Variants in LAMA2 observed in about 807,000 individuals in gnomAD.
LAMA2 encodes laminin subunit alpha 2.
In LAMA2, 269 loss-of-function variants were observed where a neutral mutation model predicts 364.8. The ratio of observed to expected loss-of-function variants is 0.74; its 90% CI spans 0.67 to 0.82. The LOEUF is 0.82. Among genes scored for constraint, LAMA2 ranks in the 40% least tolerant of loss-of-function variants. The pLI, the probability that LAMA2 is intolerant of heterozygous loss-of-function variation, is 0.00. For synonymous variants in LAMA2, 1,379 were observed against 1,370.6 expected (o/e 1.01, Z -0.14); for missense variants, 3,807 against 3,873.2 (o/e 0.98, Z 0.45).
chr6:129,454,803 A>G (rs909407920), intron 47 of LAMA2, among the ~76,000 whole-genome samples: 2 of 152,180 alleles, frequency 1.3e-5, no homozygotes, highest in African/African-American at 4.8e-5. Context: ...CTTTAATGCA[A>G]TTATCAACAT....
intron 3 of LAMA2, among the ~76,000 whole-genome samples, chr6:129,060,858 G>A (rs950795345): frequency 1.3e-5 from 2 of 152,286 alleles, no homozygotes; most frequent in South Asian, 2.1e-4. Flanking sequence ...ACAAGCTGGT[G>A]GATTGCACGG....
chr6:128,938,344 TA>T (rs1201536378), intron 1 of LAMA2, among the ~76,000 whole-genome samples: 6 of 152,196 alleles, frequency 3.9e-5, no homozygotes, highest in Non-Finnish European at 7.4e-5. Context: ...TTTTTATGAT[TA>T]ACTAATGTTT....
At chr6:129,177,201 C>T (rs1386511620) in intron 9 of LAMA2, among the ~76,000 whole-genome samples, 1 of 152,122 alleles carries the variant, frequency 6.6e-6, no homozygotes, top group African/African-American at 2.4e-5. Flanking sequence ...CAATGAACAC[C>T]TTTATTTTCT....
chr6:129,148,831 G>A (rs1357702243), intron 6 of LAMA2, 148 bp from the exon 7 acceptor site: 27 of 750,332 alleles, frequency 3.6e-5, no homozygotes, highest in Non-Finnish European at 4.9e-6. Context: ...TTCAAGCCTG[G>A]CACCACTTTC....
chr6:129,339,351 G>A (rs927973755), intron 29 of LAMA2, among the ~76,000 whole-genome samples: 7 of 152,280 alleles, frequency 4.6e-5, no homozygotes, highest in Middle Eastern at 3.4e-3. Context: ...CAGATGAAAC[G>A]AGAAATACAG....
chr6:129,398,472 C>CTTTTTTTTTTTTTTTT (rs71028159), intron 37 of LAMA2, among the ~76,000 whole-genome samples: 8 of 110,550 alleles, frequency 7.2e-5, no homozygotes, highest in African/African-American at 1.8e-4. Flanking sequence ...CTTTTCTTTT[C>CTTTTTTTTTTTTTTTT]TTTTTTTTTT....
At chr6:128,987,083 C>T (rs1047985014) in intron 1 of LAMA2, among the ~76,000 whole-genome samples, 1 of 149,736 alleles carries the variant, frequency 6.7e-6, no homozygotes, top group East Asian at 1.9e-4. Flanking sequence ...TTGTTTTGTG[C>T]ACGTGTCTTT....
intron 14 of LAMA2, among the ~76,000 whole-genome samples, chr6:129,253,850 A>G (rs1264651424): frequency 2.0e-5 from 3 of 152,214 alleles, no homozygotes; most frequent in Non-Finnish European, 4.4e-5. Flanking sequence ...GGAGGAATGC[A>G]TTCACAGCGC....
At chr6:129,261,219 CT>C (rs1347038846) in intron 15 of LAMA2, among the ~76,000 whole-genome samples, 1 of 151,812 alleles carries the variant, frequency 6.6e-6, no homozygotes, top group Middle Eastern at 3.2e-3. Context: ...CTGTATCACA[CT>C]TTTCCTCTAC....
At chr6:129,353,441 CG>C in intron 32 of LAMA2, 84 bp downstream of exon 32, 1 of 1,124,734 alleles carries the variant, frequency 8.9e-7, no homozygotes, top group Non-Finnish European at 1.3e-6. Flanking sequence ...TGACTCTCCC[CG>C]CCCGCCTTTT....
At chr6:129,455,261 A>T (rs1252314541) in intron 47 of LAMA2, among the ~76,000 whole-genome samples, 1 of 151,812 alleles carries the variant, frequency 6.6e-6, no homozygotes. Context: ...AAAAGTTATA[A>T]AAAAAAATGA....
At chr6:128,950,454 A>G (rs1454235528) in intron 1 of LAMA2, among the ~76,000 whole-genome samples, 1 of 152,158 alleles carries the variant, frequency 6.6e-6, no homozygotes, top group Non-Finnish European at 1.5e-5. Flanking sequence ...ACGTGGGTAG[A>G]ACTTGAGTAT....
At chr6:129,050,477 A>G (rs190790303) in intron 2 of LAMA2, among the ~76,000 whole-genome samples, 14 of 152,296 alleles carry the variant, frequency 9.2e-5, no homozygotes, top group Non-Finnish European at 1.5e-4. Context: ...CTACTGATAT[A>G]TAGTGTGGTA....
At chr6:129,115,870 C>A (rs1414609214) in intron 4 of LAMA2, among the ~76,000 whole-genome samples, 6 of 152,132 alleles carry the variant, frequency 3.9e-5, no homozygotes, top group African/African-American at 1.4e-4. Context: ...ACACATCCGA[C>A]TAAGGTGCAG....
At position 129,297,713 on chromosome 6, in the gene LAMA2, G is replaced by A. The variant is rs781473388; in HGVS notation, c.2885G>A (p.Arg962Lys). The change falls in exon 21 of 65, where the codon AGG becomes AAG. Residue 962 changes from arginine (R) to lysine (K), a missense_variant. Arg to Lys is a conservative substitution (Grantham distance 26). Transcript: ENST00000421865. ...KAGTFGLQSA[R>K]GCVPCNCNSF... Reference sequence around the variant, plus strand: ...GGGACCTTTGGCCTACAATCAGCAAGGGGCTGTGTTCCCTGCAACTGCAAT... The same window carrying A: ...GGGACCTTTGGCCTACAATCAGCAAAGGGCTGTGTTCCCTGCAACTGCAAT... The A allele has an allele frequency of 1.2e-6, 2 of 1,614,028 alleles. No individual in the cohort carries two copies. The highest frequency in any genetic ancestry group is 3.3e-5 in the Admixed American group (2 of 60,022).
chr6:129,261,870 G>C (rs573419777), intron 15 of LAMA2, among the ~76,000 whole-genome samples: 1 of 152,138 alleles, frequency 6.6e-6, no homozygotes, highest in South Asian at 2.1e-4. Flanking sequence ...GTAGATGAGA[G>C]AAAAATAATT....
At chr6:128,997,330 A>G (rs536571749) in intron 1 of LAMA2, among the ~76,000 whole-genome samples, 1 of 125,120 alleles carries the variant, frequency 8.0e-6, no homozygotes, top group South Asian at 3.1e-4. Flanking sequence ...GAGAGAGAGA[A>G]AGAAAGAGAA....
intron 30 of LAMA2, among the ~76,000 whole-genome samples, chr6:129,347,221 A>G (rs921545115): frequency 6.6e-6 from 1 of 152,124 alleles, no homozygotes; most frequent in African/African-American, 2.4e-5. Context: ...GAGAGGAGAC[A>G]CGGTTGACAC....
At chr6:128,911,689 AGTT>A (rs1777972526) in intron 1 of LAMA2, among the ~76,000 whole-genome samples, 2 of 152,322 alleles carry the variant, frequency 1.3e-5, no homozygotes, top group South Asian at 4.1e-4. Context: ...TATAAAATAA[AGTT>A]TTTTTACACA....
Sources: gnomAD v4.1 joint callset for allele counts (sites outside exome capture counted in the v4.1 genomes callset) on GRCh38, gnomAD v4.1.1 for gene constraint, MANE v1.5 for transcripts, NCBI Gene and HGNC (gene_info 2026-07-23, HGNC 2026-07-21) for gene names.